The following CACNA1S variants were observed in gnomAD, a reference collection of about 807,000 sequenced individuals.
The protein encoded by CACNA1S is calcium voltage-gated channel subunit alpha1 S.
Under a neutral mutation model 207.4 loss-of-function variants are expected in CACNA1S, and 126 were observed. The observed-to-expected ratio is 0.61, with a 90% CI of 0.53 to 0.70. The LOEUF (loss-of-function observed/expected upper bound fraction) is 0.70. Among genes scored for constraint, CACNA1S ranks in the 30% least tolerant of loss-of-function variants. CACNA1S has a pLI of 0.00. For synonymous variants in CACNA1S, 960 were observed against 932.7 expected, an observed-to-expected ratio of 1.03 and a Z score of -0.53; for missense variants, 2,349 against 2,422.8, an observed-to-expected ratio of 0.97 and a Z score of 0.64.
intron 6 of CACNA1S, among the ~76,000 whole-genome samples, chr1:201,088,448 T>C (rs1392730724): frequency 2.6e-5 from 4 of 152,176 alleles, no homozygotes; most frequent in Non-Finnish European, 5.9e-5. Flanking sequence ...GCTCTCCTAA[T>C]ACACACTTAC....
At chr1:201,049,227 G>A in intron 34 of CACNA1S, 128 bp from the exon 35 acceptor site, 1 of 688,758 alleles carries the variant, frequency 1.5e-6, no homozygotes, top group Non-Finnish European at 2.6e-6. Context: ...TTCCAACTGT[G>A]TTTAGGAAGT....
In CACNA1S at chr1:201,096,822, G is replaced by T. The variant is rs753107843; in HGVS notation, c.259-2801C>A. Among the ~76,000 whole-genome samples the T allele has an allele frequency of 9.5e-4, 145 of 152,256 alleles. 1 individual carries two copies. Among genetic ancestry groups the T allele is most frequent in the African/African-American group, 3.3e-3 (138 of 41,532 alleles). Reference sequence around the variant, plus strand: ...ATGAGACACGTGGGCCCTTGGTGAAGGTCTGTTTTCTGCCTACACTGTGTT... The same window carrying T: ...ATGAGACACGTGGGCCCTTGGTGAATGTCTGTTTTCTGCCTACACTGTGTT... On this transcript the variant is annotated intron_variant, in intron 2 of 43. Coordinates refer to ENST00000362061, the MANE Select transcript of CACNA1S (RefSeq NM_000069.3).
intron 2 of CACNA1S, among the ~76,000 whole-genome samples, chr1:201,108,274 T>G (rs1351483965): frequency 1.3e-5 from 2 of 151,982 alleles, no homozygotes; most frequent in Non-Finnish European, 2.9e-5. Context: ...CCCCGCTAAT[T>G]CAATTTTTGT....
chr1:201,099,911 A>G (rs576759245), intron 2 of CACNA1S, among the ~76,000 whole-genome samples: 2 of 152,218 alleles, frequency 1.3e-5, no homozygotes, highest in Admixed American at 1.3e-4. Flanking sequence ...TCTCAGGGGT[A>G]GAGCTCACAG....
At chr1:201,095,076 C>T (rs1662369461) in intron 2 of CACNA1S, among the ~76,000 whole-genome samples, 1 of 151,820 alleles carries the variant, frequency 6.6e-6, no homozygotes, top group Non-Finnish European at 1.5e-5. Context: ...GGTGCTGACC[C>T]AGCCTGCAGT....
chr1:201,097,899 C>T (rs546119884), intron 2 of CACNA1S, among the ~76,000 whole-genome samples: 1 of 152,334 alleles, frequency 6.6e-6, no homozygotes, highest in Non-Finnish European at 1.5e-5. Flanking sequence ...GGCTTCTGCC[C>T]TTGCTGTTCT....
At chr1:201,064,419 C>G (rs1661172712) in intron 22 of CACNA1S, among the ~76,000 whole-genome samples, 1 of 152,250 alleles carries the variant, frequency 6.6e-6, no homozygotes, top group Non-Finnish European at 1.5e-5. Context: ...TCTAGGGGCT[C>G]CACGCTGCTG....
intron 5 of CACNA1S, among the ~76,000 whole-genome samples, chr1:201,090,250 A>C (rs1021332660): frequency 6.6e-6 from 1 of 152,172 alleles, no homozygotes; most frequent in Non-Finnish European, 1.5e-5. Context: ...GGGGCTTTTG[A>C]GCACTGCTGC....
intron 3 of CACNA1S, 71 bp from the exon 4 acceptor site, chr1:201,092,185 T>A: frequency 6.3e-7 from 1 of 1,580,446 alleles, no homozygotes; most frequent in Non-Finnish European, 8.7e-7. Flanking sequence ...TCTGAGGCCC[T>A]GTGTCCTGTC....
chr1:201,040,111 G>T (rs1158534449), intron 43 of CACNA1S, 29 bp from the exon 44 acceptor site: 5 of 1,613,238 alleles, frequency 3.1e-6, no homozygotes, highest in Non-Finnish European at 4.2e-6. Context: ...GCTGAGTGGG[G>T]TCTTCCTGGG....
At position 201,066,124 on chromosome 1, in the gene CACNA1S, T is replaced by C; in HGVS notation, c.2745+105A>G. On this transcript the variant is annotated intron_variant, in intron 21 of 43. Transcript: ENST00000362061. This position sits in a 1 kb window ranked among gnomAD's most constrained non-coding sequence, Gnocchi z 4.3. ...CCTTACCCCTATCTGCCCAGGGAGA[T>C]GGGACAGGGGTCCCAGCCATGGCTG... 1 of 1,155,022 alleles carries C rather than the reference T, an allele frequency of 8.7e-7. No homozygotes were observed. The highest frequency in any genetic ancestry group is 1.3e-6 in the Non-Finnish European group (1 of 770,342). 71.5% of individuals were successfully genotyped at this position (1,155,022 alleles called of 1,614,324 possible). A position where few individuals can be genotyped will look rare whatever the true frequency, so the allele number is the denominator to read the frequency against.
In CACNA1S at chr1:201,072,195, A is replaced by T. The variant is rs1375278551; in HGVS notation, c.2227+560T>A. Among the ~76,000 whole-genome samples the T allele has an allele frequency of 2.6e-5, 4 of 152,164 alleles. No individual in the cohort carries two copies. In the East Asian group the frequency reaches 7.7e-4, roughly 29 times the overall value. ...GATAAATGGGATTTCTGCAGCAGTCACTGGCTATTTGCATTTATGAGATGT... is the reference window on the plus strand; with the variant it reads ...GATAAATGGGATTTCTGCAGCAGTCTCTGGCTATTTGCATTTATGAGATGT... On this transcript the variant is annotated intron_variant, in intron 16 of 43. Transcript: ENST00000362061.
intron 39 of CACNA1S, 58 bp downstream of exon 39, chr1:201,044,270 T>G: frequency 7.6e-4 from 1,215 of 1,599,060 alleles, no homozygotes; most frequent in Non-Finnish European, 9.6e-4. Flanking sequence ...CTCCTCTCTG[T>G]GAGACACTGC....
intron 10 of CACNA1S, among the ~76,000 whole-genome samples, chr1:201,078,517 C>CA (rs10581578): frequency 0.2 from 24,382 of 121,094 alleles, 2,963 homozygotes; most frequent in Non-Finnish European, 0.3. Flanking sequence ...AAATTAGCTT[C>CA]AAAAAAAAAA....
chr1:201,085,904 C>T (rs76102795), intron 7 of CACNA1S, among the ~76,000 whole-genome samples: 29 of 152,298 alleles, frequency 1.9e-4, no homozygotes, highest in African/African-American at 6.7e-4. Flanking sequence ...CAAGGCAGTC[C>T]ATTGCCTAAC....
At chr1:201,069,886 A>C (rs1661390730) in intron 17 of CACNA1S, among the ~76,000 whole-genome samples, 1 of 152,124 alleles carries the variant, frequency 6.6e-6, no homozygotes, top group Non-Finnish European at 1.5e-5. Context: ...TCAAATGAAA[A>C]TGGGACAGGC....
At chr1:201,054,406 G>T in intron 29 of CACNA1S, 99 bp downstream of exon 29, 1 of 1,270,848 alleles carries the variant, frequency 7.9e-7, no homozygotes, top group African/African-American at 1.5e-5. Flanking sequence ...CCTGAGTGCT[G>T]ATCCACCCCA....
chr1:201,040,022 C>G lies in CACNA1S; in HGVS notation c.5431G>C (p.Gly1811Arg). The G allele has an allele frequency of 6.2e-7, 1 of 1,614,256 alleles. No individual in the cohort carries two copies. The change falls in exon 44 of 44, where the codon GGC becomes CGC. Residue 1811 changes from glycine to arginine, a missense_variant. By Grantham distance (125) the Gly-to-Arg change is moderately radical. Transcript: ENST00000362061. ...AADANFIMAT[G>R]QALADACQME... ...TGGCAGGCATCTGCCAGGGCCTGGC[C>G]TGTTGCCATGATGAAGTTTGCATCA... is the stretch of plus-strand genomic sequence containing the variant.
chr1:201,084,047 C>T (rs1314723370), intron 9 of CACNA1S, among the ~76,000 whole-genome samples: 1 of 152,170 alleles, frequency 6.6e-6, no homozygotes, highest in Non-Finnish European at 1.5e-5. Context: ...GAATGTTTTA[C>T]ATCCAAAGAT....
Sources: gnomAD v4.1 joint callset for allele counts (sites outside exome capture counted in the v4.1 genomes callset) on GRCh38, gnomAD v4.1.1 for gene constraint, Gnocchi (gnomAD v3.1) non-coding constraint, MANE v1.5 for transcripts, NCBI Gene and HGNC (gene_info 2026-07-23, HGNC 2026-07-21) for gene names.